Variants in AASS observed in about 807,000 individuals in gnomAD.
AASS encodes alpha-aminoadipic semialdehyde synthase, mitochondrial.
A neutral mutation model predicts 105.4 loss-of-function variants in AASS; 86 were observed. The ratio of observed to expected loss-of-function variants is 0.82; its 90% CI spans 0.69 to 0.98. The LOEUF (loss-of-function observed/expected upper bound fraction) is 0.98, where lower values mean the gene tolerates loss of function less well. AASS is among the 50% of genes least tolerant of loss of function. The pLI is 0.00. For synonymous variants in AASS, 381 were observed against 394.8 expected (o/e 0.96, Z 0.41); for missense variants, 1,048 against 1,143.2 (o/e 0.92, Z 1.20).
chr7:122,113,749 A>G (rs1347969788), intron 9 of AASS, 29 bp from the exon 10 acceptor site: 3 of 1,609,714 alleles, frequency 1.9e-6, no homozygotes, highest in Non-Finnish European at 8.5e-7. Flanking sequence ...CTTAGATGAG[A>G]GGATGAAATT....
At chr7:122,081,823 C>A (rs982079004) in intron 19 of AASS, 10 of 514,428 alleles carry the variant, frequency 1.9e-5, no homozygotes, top group African/African-American at 7.7e-5. Flanking sequence ...TAGATACAAC[C>A]AATTTCAAGC....
intron 15 of AASS, among the ~76,000 whole-genome samples, chr7:122,095,594 AC>A (rs1386702924): frequency 3.4e-5 from 5 of 148,944 alleles, no homozygotes; most frequent in East Asian, 3.9e-4. Context: ...AAAAAAAAAA[AC>A]AATAAAACCA....
chr7:122,129,428 G>T lies in AASS; in HGVS notation c.320C>A (p.Ala107Glu). ...EEKLMSRKTYAFFSHTIKAQE... is the reference protein window; with the variant it reads ...EEKLMSRKTYEFFSHTIKAQE... Reference sequence around the variant, plus strand: ...AGCTTTTATTGTGTGGGAGAAAAATGCATAAGTCTTCCTGGACATTAATTT... The same window carrying T: ...AGCTTTTATTGTGTGGGAGAAAAATTCATAAGTCTTCCTGGACATTAATTT... Residue 107 changes from alanine to glutamate, a missense_variant, in exon 3 of 24, where the codon GCA (alanine) becomes GAA (glutamate). Coordinates refer to ENST00000417368, the MANE Select transcript of AASS (RefSeq NM_005763.4). The T allele has an allele frequency of 6.2e-7, 1 of 1,613,394 alleles. No individual in the cohort carries two copies. Among genetic ancestry groups the T allele is most frequent in the Non-Finnish European group, 8.5e-7 (1 of 1,179,580 alleles).
chr7:122,079,282 A>G, intron 21 of AASS: 1 of 1,344,674 alleles, frequency 7.4e-7, no homozygotes, highest in Non-Finnish European at 9.6e-7. Context: ...CAGCGGTCAT[A>G]TGAAAGAATG....
At chr7:122,116,043 T>C (rs1229160239) in intron 8 of AASS, among the ~76,000 whole-genome samples, 1 of 152,170 alleles carries the variant, frequency 6.6e-6, no homozygotes, top group Non-Finnish European at 1.5e-5. Context: ...GGTTTGTTAG[T>C]TTATCTGGGG....
intron 18 of AASS, among the ~76,000 whole-genome samples, chr7:122,089,741 G>A (rs2268076): frequency 0.15 from 22,455 of 152,136 alleles, 1,885 homozygotes; most frequent in South Asian, 0.28. Context: ...TAATGGCAGA[G>A]CTAGAGCACA....
chr7:122,098,896 A>AG (rs1554388453), intron 13 of AASS, 30 bp from the exon 14 acceptor site: 30 of 1,439,128 alleles, frequency 2.1e-5, no homozygotes, highest in South Asian at 2.7e-5. Flanking sequence ...AAAAAAAAAA[A>AG]GGGAAGGGGC....
At chr7:122,097,398 G>T (rs748528364) in intron 15 of AASS, among the ~76,000 whole-genome samples, 1 of 151,834 alleles carries the variant, frequency 6.6e-6, no homozygotes, top group African/African-American at 2.4e-5. Flanking sequence ...AGGTTCAGGG[G>T]TACATGTGCA....
At chr7:122,124,413 G>A (rs1795566102) in intron 4 of AASS, among the ~76,000 whole-genome samples, 1 of 152,114 alleles carries the variant, frequency 6.6e-6, no homozygotes, top group Non-Finnish European at 1.5e-5. Flanking sequence ...CTCCCAAGTA[G>A]CTGGGATTAC....
At position 122,133,633 on chromosome 7, in the gene AASS, C is replaced by A; in HGVS notation, c.94G>T (p.Asp32Tyr). The change falls in exon 2 of 24, where the codon GAT becomes TAT. Residue 32 changes from aspartate to tyrosine, a missense_variant. Physicochemically the swap from Asp to Tyr is radical, Grantham distance 160 (BLOSUM62 -3). Transcript: ENST00000417368. Reference sequence around the variant, plus strand: ...GCCCTTCTCTCCCAGGCGTTCACATCCTCCCTCCGGACGGCCAACACAGCT... The same window carrying A: ...GCCCTTCTCTCCCAGGCGTTCACATACTCCCTCCGGACGGCCAACACAGCT... ...HKAVLAVRREDVNAWERRAPL... is the reference protein window; with the variant it reads ...HKAVLAVRREYVNAWERRAPL... 1 of 1,614,190 alleles carries A rather than the reference C, an allele frequency of 6.2e-7. No homozygotes were observed. Among genetic ancestry groups the A allele is most frequent in the Non-Finnish European group, 8.5e-7 (1 of 1,180,042 alleles).
chr7:122,140,213 C>T (rs1409054209), intron 1 of AASS, among the ~76,000 whole-genome samples: 1 of 151,934 alleles, frequency 6.6e-6, no homozygotes, highest in South Asian at 2.1e-4. Context: ...CGGCTGGGTG[C>T]GGTGGCTCAC....
At chr7:122,109,419 C>T (rs1794827634) in intron 11 of AASS, among the ~76,000 whole-genome samples, 1 of 151,928 alleles carries the variant, frequency 6.6e-6, no homozygotes. Flanking sequence ...GCTATAGTAA[C>T]CAAAACAGCA....
In AASS at chr7:122,079,102, A is replaced by G. The variant is rs186758179; in HGVS notation, c.2397-152T>C. On this transcript the variant is annotated intron_variant, in intron 21 of 23. Coordinates refer to ENST00000417368, the MANE Select transcript of AASS (RefSeq NM_005763.4). ...GGATTCTCCTAAAATGTAAAATAAC[A>G]ATAACAATAGCAATGTTTTAACCTT... is the stretch of plus-strand genomic sequence containing the variant. 9.1e-5 allele frequency: 140 copies of G among 1,536,246 alleles called. No homozygotes were observed. In the African/African-American group the frequency reaches 1.5e-3, roughly 17 times the overall value.
chr7:122,079,350 C>G (rs769546401), intron 21 of AASS: 17 of 1,375,792 alleles, frequency 1.2e-5, no homozygotes, highest in African/African-American at 2.9e-5. Context: ...AAAAATACCC[C>G]ACTATGCTTG....
At chr7:122,112,851 C>A (rs1012138907) in intron 11 of AASS, among the ~76,000 whole-genome samples, 1 of 152,120 alleles carries the variant, frequency 6.6e-6, no homozygotes, top group Admixed American at 6.5e-5. Flanking sequence ...TTATCTCACA[C>A]GTGGTGAACA....
intron 8 of AASS, among the ~76,000 whole-genome samples, chr7:122,116,194 C>A (rs147175517): frequency 3.9e-5 from 6 of 152,112 alleles, no homozygotes; most frequent in African/African-American, 7.2e-5. Context: ...TATATAGGAA[C>A]GCTATTTAAC....
chr7:122,079,307 T>G (rs1241550014), intron 21 of AASS: 1 of 1,351,070 alleles, frequency 7.4e-7, no homozygotes, highest in Admixed American at 3.1e-5. Context: ...CATGTAATAT[T>G]CTATGACTAC....
rs1306776807 is a variant in AASS at position 122,098,373 on chromosome 7, G to C, written c.1655+77C>G. ...TTACTCCAAAGGAGTATGAAGAGAG[G>C]AGAAGTGAAAGAGAAAGAAAAATGA... On this transcript the variant is annotated intron_variant, in intron 15 of 23. Transcript: ENST00000417368. 12 of 1,544,586 alleles carry C rather than the reference G, an allele frequency of 7.8e-6. No homozygotes were observed. In the East Asian group the frequency reaches 2.7e-4, roughly 35 times the overall value.
At chr7:122,114,589 A>C (rs1299950204) in intron 9 of AASS, among the ~76,000 whole-genome samples, 2 of 152,198 alleles carry the variant, frequency 1.3e-5, no homozygotes, top group African/African-American at 4.8e-5. Context: ...AGGGAGAAAA[A>C]TCATAAACAC....
Sources: allele counts gnomAD v4.1 joint callset (sites outside exome capture counted in the v4.1 genomes callset), GRCh38; gene constraint gnomAD v4.1.1; transcripts MANE v1.5; gene names NCBI Gene and HGNC (gene_info 2026-07-23, HGNC 2026-07-21).